The following PROSER3 variants were observed in gnomAD, a reference collection of about 807,000 sequenced individuals.
PROSER3 encodes the protein proline and serine rich 3, also known as proline and serine-rich protein 3.
A neutral mutation model predicts 50.2 loss-of-function variants in PROSER3; 33 were observed. The observed-to-expected ratio is 0.66, with a 90% CI of 0.50 to 0.88. The LOEUF (loss-of-function observed/expected upper bound fraction) is 0.88, where lower values mean the gene tolerates loss of function less well. Ranked by LOEUF, PROSER3 falls within the 40% of genes least tolerant of loss-of-function variation. The pLI, the probability that PROSER3 is intolerant of heterozygous loss-of-function variation, is 0.00. For missense variants in PROSER3, 623 were observed against 612.7 expected (o/e 1.02, Z -0.18); for synonymous variants, 266 against 259.3 (o/e 1.03, Z -0.25).
At chr19:35,759,658 A>G in intron 2 of PROSER3, 131 bp from the exon 3 acceptor site, 1 of 1,036,330 alleles carries the variant, frequency 9.6e-7, no homozygotes, top group Non-Finnish European at 1.4e-6. Flanking sequence ...CCCCCATCAC[A>G]CTAGGTTGTT....
intron 3 of PROSER3, among the ~76,000 whole-genome samples, chr19:35,761,278 G>A (rs886837709): frequency 3.3e-5 from 5 of 152,166 alleles, no homozygotes; most frequent in Non-Finnish European, 4.4e-5. Flanking sequence ...ACTCATTCCT[G>A]TAATCCCAGC....
chr19:35,759,428 A>G (rs1358433618), exon 2 of PROSER3: 1 of 1,613,554 alleles, frequency 6.2e-7, no homozygotes, highest in East Asian at 2.2e-5. Flanking sequence ...CCCTGGGTCG[A>G]AGCCACTACT....
At chr19:35,764,708 C>T (rs1971078562) in intron 5 of PROSER3, 146 bp from the exon 6 acceptor site, 8 of 632,540 alleles carry the variant, frequency 1.3e-5, no homozygotes, top group Admixed American at 3.1e-5. Flanking sequence ...AACTGGGTCT[C>T]TCCTCCCTGA....
At chr19:35,765,136 C>T (rs1971100083) in exon 7 of PROSER3, 2 of 1,613,808 alleles carry the variant, frequency 1.2e-6, no homozygotes, top group African/African-American at 2.7e-5. Context: ...CGGAGACCTT[C>T]ATCCCTGACT....
exon 11 of PROSER3, chr19:35,768,644 G>A: frequency 7.0e-7 from 1 of 1,427,434 alleles, no homozygotes; most frequent in African/African-American, 1.4e-5. Flanking sequence ...AGGCCAAGGG[G>A]TCATGCCAAT....
exon 7 of PROSER3, chr19:35,765,107 G>A: frequency 6.2e-7 from 1 of 1,613,894 alleles, no homozygotes; most frequent in African/African-American, 1.3e-5. Context: ...CACCAGCTCT[G>A]ATGGCCTCTC....
chr19:35,760,593 C>A (rs1970925704), intron 3 of PROSER3, among the ~76,000 whole-genome samples: 1 of 152,168 alleles, frequency 6.6e-6, no homozygotes, highest in Non-Finnish European at 1.5e-5. Context: ...TCAAGTGATT[C>A]TCCTGCCTCA....
At position 35,762,369 on chromosome 19, in the gene PROSER3, T is replaced by A; in HGVS notation, c.543+13T>A. On this transcript the variant is annotated intron_variant, in intron 5 of 10. Coordinates refer to ENST00000396908, the Ensembl canonical transcript of PROSER3. ...GGAAATAAAGCAGGTGACATCCCCA[T>A]TCACTCCCTCCCTTGGGTGCCTGAA... The A allele has an allele frequency of 6.3e-7, 1 of 1,580,432 alleles. No individual in the cohort carries two copies. The highest frequency in any genetic ancestry group is 8.6e-7 in the Non-Finnish European group (1 of 1,160,726).
exon 9 of PROSER3, chr19:35,767,933 A>G (rs1372416471): frequency 1.5e-5 from 24 of 1,612,142 alleles, no homozygotes; most frequent in East Asian, 2.2e-5. Flanking sequence ...GCAGGCAACC[A>G]CAGTCAAGGC....
chr19:35,760,249 G>T (rs909820865), intron 3 of PROSER3, among the ~76,000 whole-genome samples: 1 of 151,930 alleles, frequency 6.6e-6, no homozygotes. Context: ...ACAGGGTCTC[G>T]CTCTGTTACT....
chr19:35,759,880 AG>A lies in PROSER3; in HGVS notation c.201del (p.Glu67AspfsTer28). The A allele has an allele frequency of 6.3e-7, 1 of 1,590,240 alleles. No individual in the cohort carries two copies. Among genetic ancestry groups the A allele is most frequent in the Non-Finnish European group, 8.6e-7 (1 of 1,168,780 alleles). On this transcript the variant is annotated frameshift_variant, in exon 3 of 11. Coordinates refer to ENST00000396908, the Ensembl canonical transcript of PROSER3. LOFTEE classifies it high-confidence loss of function. ...CCCAACTCCCCTGAGCTGTTTGAGG[AG>A]TCCTGGCCATCCAGTTCAGGGACCC...
At chr19:35,767,241 G>T (rs1035226423) in intron 8 of PROSER3, 3 of 382,974 alleles carry the variant, frequency 7.8e-6, no homozygotes, top group African/African-American at 6.2e-5. Context: ...AGCTCCCACG[G>T]GTTCTTCTGG....
At chr19:35,767,319 C>T in intron 8 of PROSER3, 1 of 292,964 alleles carries the variant, frequency 3.4e-6, no homozygotes, top group South Asian at 5.8e-5. Flanking sequence ...TCCACCCTAG[C>T]ACATCTGGGC....
At chr19:35,762,308 C>T (rs746953261) in exon 5 of PROSER3, 6 of 1,611,158 alleles carry the variant, frequency 3.7e-6, no homozygotes, top group South Asian at 2.2e-5. Flanking sequence ...CTGCGGTCAA[C>T]GTGACCAGTG....
intron 1 of PROSER3, 22 bp from the exon 2 acceptor site, chr19:35,759,352 G>T: frequency 6.2e-7 from 1 of 1,607,706 alleles, no homozygotes; most frequent in Admixed American, 1.7e-5. Context: ...CGTGCTGCCT[G>T]AACCCCACTT....
At position 35,765,014 on chromosome 19, in the gene PROSER3, C is replaced by T. The variant is rs771257831; in HGVS notation, c.627-20C>T. ...AGGTCTCGAGACCTCCATTGCCTCA[C>T]TCCTGCCTTCTCCCTGCAGCAAAGC... is the stretch of plus-strand genomic sequence containing the variant. On this transcript the variant is annotated intron_variant, in intron 6 of 10. Coordinates refer to ENST00000396908, the Ensembl canonical transcript of PROSER3. 80 of 1,612,960 alleles carry T rather than the reference C, an allele frequency of 5.0e-5. No homozygotes were observed. The highest frequency in any genetic ancestry group is 6.6e-5 in the Non-Finnish European group (78 of 1,179,394).
chr19:35,763,670 ATTT>A (rs1041907809), intron 5 of PROSER3, among the ~76,000 whole-genome samples: 1 of 144,382 alleles, frequency 6.9e-6, no homozygotes. Context: ...CGCCCGGCTA[ATTT>A]TTTTTTGTAT....
At chr19:35,768,953 A>C in exon 11 of PROSER3, 1 of 155,288 alleles carries the variant, frequency 6.4e-6, no homozygotes, top group Non-Finnish European at 1.4e-5. Context: ...GGTGCAGCTG[A>C]CCCCTCCCTC....
At chr19:35,768,444 G>A in exon 11 of PROSER3, 2 of 1,598,146 alleles carry the variant, frequency 1.3e-6, no homozygotes, top group Non-Finnish European at 1.7e-6. Flanking sequence ...GGACCAGGCT[G>A]AAGACCTGGG....
Sources: gnomAD v4.1 joint callset for allele counts (sites outside exome capture counted in the v4.1 genomes callset) on GRCh38, gnomAD v4.1.1 for gene constraint, MANE v1.5 for transcripts, NCBI Gene and HGNC (gene_info 2026-07-23, HGNC 2026-07-21) for gene names.